DNAH1: variants seen among roughly 807,000 people sequenced by gnomAD.
DNAH1 encodes axonemal beta dynein heavy chain 1.
A neutral mutation model predicts 484.3 loss-of-function variants in DNAH1; 327 were observed. The ratio of observed to expected loss-of-function variants is 0.68; its 90% CI spans 0.62 to 0.74. The LOEUF (loss-of-function observed/expected upper bound fraction) is 0.74, where lower values mean the gene tolerates loss of function less well. Among genes scored for constraint, DNAH1 ranks in the 30% least tolerant of loss-of-function variants. DNAH1 has a pLI of 0.00. For synonymous variants in DNAH1, 2,192 were observed against 2,191.9 expected, an observed-to-expected ratio of 1.00 and a Z score of 0.00; for missense variants, 5,052 against 5,546.8, an observed-to-expected ratio of 0.91 and a Z score of 2.83.
rs532392901 is a variant in DNAH1, at chr3:52,370,455, A to G, written c.6259-22A>G. 2.4e-5 allele frequency: 39 copies of G among 1,613,884 alleles called. 1 individual carries two copies. The South Asian group carries it at 4.1e-4, about 17-fold the overall frequency. ...TTGATACTGTTCCTGTCTCAGCCTG[A>G]TACTGTTCCCTTCATCCCCAGGGCC... On this transcript the variant is annotated intron_variant, in intron 39 of 77. Coordinates refer to ENST00000420323, the MANE Select transcript of DNAH1 (RefSeq NM_015512.5).
chr3:52,369,731 C>G (rs1703242609), intron 37 of DNAH1, 94 bp from the exon 38 acceptor site: 1 of 1,375,194 alleles, frequency 7.3e-7, no homozygotes. Context: ...CGCCCACTTA[C>G]AGGATGTGCA....
chr3:52,344,164 G>A (rs1435493404), intron 8 of DNAH1, among the ~76,000 whole-genome samples: 1 of 152,226 alleles, frequency 6.6e-6, no homozygotes, highest in Non-Finnish European at 1.5e-5. Context: ...GCTGTGAGTG[G>A]CAGCTCTCTG....
chr3:52,371,175 C>A (rs888546150), intron 41 of DNAH1, among the ~76,000 whole-genome samples: 1 of 152,200 alleles, frequency 6.6e-6, no homozygotes, highest in African/African-American at 2.4e-5. Flanking sequence ...AGAGACTGGG[C>A]TCCCGAGGGC....
chr3:52,330,703 G>A (rs1423361295), intron 6 of DNAH1, among the ~76,000 whole-genome samples: 1 of 152,192 alleles, frequency 6.6e-6, no homozygotes, highest in East Asian at 1.9e-4. Flanking sequence ...GTTCTCAGAT[G>A]AGGGGCCCAG....
chr3:52,385,485 C>T (rs1704063769), intron 54 of DNAH1, 38 bp downstream of exon 54: 1 of 1,525,050 alleles, frequency 6.6e-7, no homozygotes, highest in Non-Finnish European at 8.9e-7. Flanking sequence ...ATGCCTGACT[C>T]TGAGGAAGCT....
At position 52,361,799 on chromosome 3, in the gene DNAH1, A is replaced by C; in HGVS notation, c.4980+33A>C. 1 of 1,567,160 alleles carries C rather than the reference A, an allele frequency of 6.4e-7. No homozygotes were observed. Among genetic ancestry groups the C allele is most frequent in the Non-Finnish European group, 8.7e-7 (1 of 1,156,034 alleles). ...CGGGGGACCCACCTTACTCCCTCAG[A>C]TCTGCCATACTCACGCCGCCATACT... On this transcript the variant is annotated intron_variant, in intron 30 of 77. Transcript: ENST00000420323. The surrounding 1 kb of genome is among the most constrained non-coding windows in gnomAD (Gnocchi z 5.6).
At chr3:52,400,224 C>T (rs1704849243) in intron 77 of DNAH1, 101 bp from the exon 78 acceptor site, 10 of 1,522,298 alleles carry the variant, frequency 6.6e-6, no homozygotes. Context: ...AGGGCCCCCT[C>T]CCTGTCCTCA....
At chr3:52,392,000 C>A (rs1250629827) in intron 63 of DNAH1, among the ~76,000 whole-genome samples, 1 of 152,222 alleles carries the variant, frequency 6.6e-6, no homozygotes, top group East Asian at 1.9e-4. Context: ...TGCTTCTTAT[C>A]CTTGCTGCCA....
At chr3:52,374,139 T>C in intron 44 of DNAH1, 1 of 1,216,212 alleles carries the variant, frequency 8.2e-7, no homozygotes, top group South Asian at 1.2e-5. Flanking sequence ...GGGAAATTCC[T>C]AGGCTTGAGA....
chr3:52,315,403 A>G (rs1274612440), upstream of DNAH1, among the ~76,000 whole-genome samples: 1 of 152,186 alleles, frequency 6.6e-6, no homozygotes, highest in East Asian at 1.9e-4. Flanking sequence ...CCAGTGAAGC[A>G]TTGCTCCCAT....
intron 73 of DNAH1, 98 bp downstream of exon 73, chr3:52,397,142 C>G (rs1314283276): frequency 1.8e-6 from 2 of 1,118,072 alleles, no homozygotes; most frequent in East Asian, 5.2e-5. Context: ...AGATGCAGCC[C>G]CCACCCTCCA....
Position 52,321,465 on chromosome 3 carries a change from T to C in DNAH1, c.-34-944T>C, listed in dbSNP as rs1578063451. Among the ~76,000 whole-genome samples, 4 of 152,324 alleles carry C rather than the reference T, an allele frequency of 2.6e-5. No individual in the cohort carries two copies. In the Middle Eastern group the frequency reaches 0.01, roughly 391 times the overall value. On this transcript the variant is annotated intron_variant, in intron 1 of 77. Transcript: ENST00000420323. ...TTGAGGTAATTGTAGACCCCCTTTT[T>C]ATTTTTTGCACTAGCATTATGTACA...
In DNAH1 at chr3:52,373,050, A is replaced by C; in HGVS notation, c.6982A>C (p.Ile2328Leu). 1 of 1,610,510 alleles carries C rather than the reference A, an allele frequency of 6.2e-7. No homozygotes were observed. Among genetic ancestry groups the C allele is most frequent in the East Asian group, 2.2e-5 (1 of 44,822 alleles). Residue 2328 changes from isoleucine to leucine, a missense_variant, in exon 44 of 78, where the codon ATT becomes CTT. Transcript: ENST00000420323. The stretch of plus-strand genomic sequence containing the variant: ...CGGCGGCTGGTACGACCGCAAGATC[A>C]TTGGTGAGTGTGGCCGGCCTGGCTC... ...DHGGWYDRKI[I>L]GAFKNLVDIN...
At position 52,396,357 on chromosome 3, in the gene DNAH1, A is replaced by G. The variant is rs1180279857; in HGVS notation, c.11260-11A>G. On this transcript the variant is annotated splice_polypyrimidine_tract_variant and intron_variant, in intron 70 of 77. Transcript: ENST00000420323. ...TGGGTCTCAATGCTCACGTGGAGCC[A>G]TGGCCACCAGGTACACAGGGACTTC... The G allele has an allele frequency of 1.3e-6, 2 of 1,565,992 alleles. No individual in the cohort carries two copies. Among genetic ancestry groups the G allele is most frequent in the East Asian group, 4.8e-5 (2 of 41,794 alleles).
rs954003913 is a variant in DNAH1 at position 52,382,511 on chromosome 3, G to A, written c.7941+56G>A. 7 of 1,598,092 alleles carry A rather than the reference G, an allele frequency of 4.4e-6. No homozygotes were observed. The African/African-American group carries it at 5.4e-5, about 12-fold the overall frequency. ...GGGGGGGCTGGACACAACCCCATCT[G>A]AGCATAGCATCCCGGAAGGTGGCCA... On this transcript the variant is annotated intron_variant, in intron 50 of 77. Coordinates refer to ENST00000420323, the MANE Select transcript of DNAH1 (RefSeq NM_015512.5).
intron 40 of DNAH1, 37 bp from the exon 41 acceptor site, chr3:52,370,681 G>A (rs1049383767): frequency 6.3e-7 from 1 of 1,598,070 alleles, no homozygotes; most frequent in African/African-American, 1.3e-5. Context: ...AGTCCTACTG[G>A]GCCTCACAGC....
chr3:52,358,770 C>T lies in DNAH1; in HGVS notation c.4266+33C>T, dbSNP rs754363707. 5 of 1,608,778 alleles carry T rather than the reference C, an allele frequency of 3.1e-6. No individual in the cohort carries two copies. Among genetic ancestry groups the T allele is most frequent in the Non-Finnish European group, 3.4e-6 (4 of 1,178,390 alleles). On this transcript the variant is annotated intron_variant, in intron 25 of 77. Transcript: ENST00000420323. This position sits in a 1 kb window ranked among gnomAD's most constrained non-coding sequence, Gnocchi z 4.2. ...GCCCGCAGCCCGTGCAGCCTTCCAC[C>T]CCTGCACCCCTCTGCTCCCTCTCAG...
intron 56 of DNAH1, among the ~76,000 whole-genome samples, 158 bp downstream of exon 56, chr3:52,387,011 A>C (rs1704140523): frequency 6.6e-6 from 1 of 152,178 alleles, no homozygotes; most frequent in Admixed American, 6.5e-5. Context: ...CCAGCACCAC[A>C]CAAGGGCCCG....
intron 4 of DNAH1, 25 bp from the exon 5 acceptor site, chr3:52,326,710 A>G (rs1452154338): frequency 6.4e-7 from 1 of 1,556,906 alleles, no homozygotes; most frequent in Non-Finnish European, 8.7e-7. Context: ...AGCCATCCTG[A>G]GGTCCCCTCC....
Sources: allele counts gnomAD v4.1 joint callset (sites outside exome capture counted in the v4.1 genomes callset), GRCh38; gene constraint gnomAD v4.1.1; non-coding constraint Gnocchi (gnomAD v3.1); transcripts MANE v1.5; gene names NCBI Gene and HGNC (gene_info 2026-07-23, HGNC 2026-07-21).